Variants in RANBP2 observed in about 807,000 individuals in gnomAD.
RANBP2 encodes RAN binding protein 2, also known as E3 SUMO-protein ligase RanBP2.
RANBP2 carries 57 observed loss-of-function variants against 303.6 expected under a neutral mutation model. The observed-to-expected ratio is 0.19, with a 90% CI of 0.15 to 0.23. The LOEUF is 0.23. Among genes scored for constraint, RANBP2 ranks in the 10% least tolerant of loss-of-function variants. RANBP2 has a pLI of 1.00. For synonymous variants in RANBP2, 1,167 were observed against 1,301.5 expected, an observed-to-expected ratio of 0.90 and a Z score of 2.23; for missense variants, 3,138 against 3,780.8, an observed-to-expected ratio of 0.83 and a Z score of 4.46.
At chr2:109,353,413 C>T in the RANBP2 span, among the ~76,000 whole-genome samples, 1 of 152,226 alleles carries the variant, frequency 6.6e-6, no homozygotes. Context: ...CACTGAGACT[C>T]CCTGTCCACA....
chr2:109,347,301 C>A, the RANBP2 span, among the ~76,000 whole-genome samples: 270 of 152,294 alleles, frequency 1.8e-3, no homozygotes, highest in Non-Finnish European at 3.1e-3. Context: ...CCTACTGCTC[C>A]TAGGTGTGGG....
chr2:109,699,701 C>T, the RANBP2 span, among the ~76,000 whole-genome samples: 2 of 152,018 alleles, frequency 1.3e-5, no homozygotes, highest in Non-Finnish European at 2.9e-5. Context: ...TGGCAGAGGC[C>T]GAAGAAAATC....
chr2:109,498,680 C>T, the RANBP2 span, among the ~76,000 whole-genome samples: 34 of 152,274 alleles, frequency 2.2e-4, no homozygotes, highest in South Asian at 2.3e-3. Context: ...CCAGGATGGG[C>T]CCAGGGAACT....
chr2:109,434,058 C>T, the RANBP2 span, among the ~76,000 whole-genome samples: 2 of 152,232 alleles, frequency 1.3e-5, no homozygotes, highest in Non-Finnish European at 1.5e-5. Context: ...CTCTCTCAGC[C>T]TGCAACCGGC....
At chr2:109,246,629 G>A in the RANBP2 span, among the ~76,000 whole-genome samples, 1 of 152,188 alleles carries the variant, frequency 6.6e-6, no homozygotes, top group Admixed American at 6.5e-5. Context: ...CACAGCCAGT[G>A]TATCTCCCTG....
the RANBP2 span, among the ~76,000 whole-genome samples, chr2:109,382,689 C>T: frequency 6.6e-6 from 1 of 152,332 alleles, no homozygotes; most frequent in East Asian, 1.9e-4. Flanking sequence ...ATCTTCAGAA[C>T]AGCCTTAGGG....
At chr2:109,496,611 G>C in the RANBP2 span, among the ~76,000 whole-genome samples, 1 of 152,170 alleles carries the variant, frequency 6.6e-6, no homozygotes, top group Admixed American at 6.5e-5. Context: ...TGTTCACATC[G>C]GATCAGCTCA....
the RANBP2 span, among the ~76,000 whole-genome samples, chr2:109,141,199 T>C: frequency 6.6e-6 from 1 of 152,268 alleles, no homozygotes; most frequent in African/African-American, 2.4e-5. Context: ...GTGCAGTTTC[T>C]GGCTCCATTT....
intron 18 of RANBP2, among the ~76,000 whole-genome samples, chr2:108,759,265 C>T (rs1312415197): frequency 6.6e-6 from 1 of 151,778 alleles, no homozygotes; most frequent in Non-Finnish European, 1.5e-5. Context: ...TTAGAATGGC[C>T]GGTACCATTA....
chr2:108,916,458 C>T, the RANBP2 span, among the ~76,000 whole-genome samples: 2 of 152,286 alleles, frequency 1.3e-5, no homozygotes, highest in South Asian at 4.1e-4. Context: ...GGGCTGGTTA[C>T]ACAATGACGT....
chr2:109,507,020 G>T, the RANBP2 span, among the ~76,000 whole-genome samples: 1 of 152,162 alleles, frequency 6.6e-6, no homozygotes, highest in African/African-American at 2.4e-5. Flanking sequence ...TGCCAGTCCC[G>T]CAGTCTTGGG....
the RANBP2 span, among the ~76,000 whole-genome samples, chr2:108,985,659 G>T: frequency 1.3e-5 from 2 of 152,176 alleles, no homozygotes; most frequent in African/African-American, 2.4e-5. Flanking sequence ...CCTTCCTGGG[G>T]TCCAAACAGT....
chr2:109,054,749 A>C, the RANBP2 span, among the ~76,000 whole-genome samples: 2 of 151,066 alleles, frequency 1.3e-5, no homozygotes. Flanking sequence ...AAATGTATAC[A>C]CCTGTGTCAC....
chr2:109,112,712 C>T, the RANBP2 span, among the ~76,000 whole-genome samples: 3 of 152,230 alleles, frequency 2.0e-5, no homozygotes, highest in Non-Finnish European at 2.9e-5. Context: ...CTTGCCCATG[C>T]CTATGTCCTG....
At chr2:109,389,579 G>A in the RANBP2 span, among the ~76,000 whole-genome samples, 1 of 152,226 alleles carries the variant, frequency 6.6e-6, no homozygotes, top group African/African-American at 2.4e-5. Flanking sequence ...CTAAGCCAGA[G>A]ATCTCCAAGG....
At chr2:109,552,462 TG>T in the RANBP2 span, 4 of 152,118 alleles carry the variant, frequency 2.6e-5, no homozygotes, top group African/African-American at 9.6e-5. Flanking sequence ...TACAAGCCCT[TG>T]GTAAACCATT....
chr2:109,574,786 G>A, the RANBP2 span: 2 of 1,537,848 alleles, frequency 1.3e-6, no homozygotes, highest in Non-Finnish European at 1.8e-6. Flanking sequence ...TTATTTAAAT[G>A]TTTAATACAA....
chr2:108,890,252 T>C, the RANBP2 span, among the ~76,000 whole-genome samples: 1 of 113,826 alleles, frequency 8.8e-6, no homozygotes, highest in African/African-American at 3.2e-5. Context: ...TTTTTTTTTT[T>C]TTTTTGTAAT....
the RANBP2 span, among the ~76,000 whole-genome samples, chr2:109,630,628 A>C: frequency 2.0e-5 from 3 of 152,278 alleles, no homozygotes; most frequent in East Asian, 5.8e-4. Context: ...GATGAGCATA[A>C]TGCACTTTGC....
Sources: gnomAD v4.1 joint callset for allele counts (sites outside exome capture counted in the v4.1 genomes callset) on GRCh38, gnomAD v4.1.1 for gene constraint, MANE v1.5 for transcripts, NCBI Gene and HGNC (gene_info 2026-07-23, HGNC 2026-07-21) for gene names.